Variants in PTBP3 observed in about 807,000 individuals in gnomAD.
The protein encoded by PTBP3 is polypyrimidine tract binding protein 3.
A neutral mutation model predicts 58.7 loss-of-function variants in PTBP3; 20 were observed. That is an observed-to-expected ratio of 0.34 (90% CI 0.24 to 0.50). The LOEUF (loss-of-function observed/expected upper bound fraction) is 0.50, where lower values mean the gene tolerates loss of function less well. Ranked by LOEUF, PTBP3 falls within the 20% of genes least tolerant of loss-of-function variation. The probability of loss-of-function intolerance (pLI) is 0.98; values close to 1 mark genes in which losing one functional copy is unlikely to be tolerated. For synonymous variants in PTBP3, 185 were observed against 219.8 expected (o/e 0.84, Z 1.40); for missense variants, 509 against 637.2 (o/e 0.80, Z 2.17).
the PTBP3 span, among the ~76,000 whole-genome samples, chr9:112,376,164 T>C: frequency 6.8e-6 from 1 of 146,506 alleles, no homozygotes; most frequent in Admixed American, 6.8e-5. Context: ...AGGATATATA[T>C]ATATATATAT....
At chr9:112,258,250 T>C (rs1024198970) in intron 5 of PTBP3, among the ~76,000 whole-genome samples, 6 of 152,218 alleles carry the variant, frequency 3.9e-5, no homozygotes, top group Admixed American at 3.3e-4. Context: ...AACATCGTTA[T>C]GAGCTACTTC....
the PTBP3 span, among the ~76,000 whole-genome samples, chr9:112,346,416 C>T: frequency 6.6e-6 from 1 of 151,994 alleles, no homozygotes; most frequent in African/African-American, 2.4e-5. Flanking sequence ...ATCCACCTGC[C>T]TCAGCCTCCC....
the PTBP3 span, among the ~76,000 whole-genome samples, chr9:112,341,388 T>C: frequency 6.6e-6 from 1 of 152,216 alleles, no homozygotes; most frequent in East Asian, 1.9e-4. Context: ...TGCCTCGGCC[T>C]CTTGAAGTGC....
chr9:112,268,424 T>C (rs1017170791), intron 3 of PTBP3, among the ~76,000 whole-genome samples: 2 of 152,124 alleles, frequency 1.3e-5, no homozygotes, highest in African/African-American at 4.8e-5. Context: ...CCAGGCGTGG[T>C]GGTTCACAAC....
intron 3 of PTBP3, among the ~76,000 whole-genome samples, chr9:112,273,780 C>T (rs1450895744): frequency 6.6e-6 from 1 of 152,150 alleles, no homozygotes; most frequent in African/African-American, 2.4e-5. Context: ...CCTCCAAATG[C>T]CCTGAGAAAA....
At chr9:112,303,897 T>C (rs1269993337) in intron 1 of PTBP3, among the ~76,000 whole-genome samples, 2 of 149,974 alleles carry the variant, frequency 1.3e-5, no homozygotes, top group Non-Finnish European at 3.0e-5. Flanking sequence ...CTGGGCACAG[T>C]GGCTCACACC....
At chr9:112,226,303 C>T (rs923844194) in intron 12 of PTBP3, among the ~76,000 whole-genome samples, 12 of 151,890 alleles carry the variant, frequency 7.9e-5, no homozygotes, top group African/African-American at 2.4e-4. Flanking sequence ...GCAGGGAGGC[C>T]GGATATTCAG....
intron 5 of PTBP3, among the ~76,000 whole-genome samples, chr9:112,255,554 G>C (rs2132097059): frequency 6.6e-6 from 1 of 152,192 alleles, no homozygotes; most frequent in South Asian, 2.1e-4. Flanking sequence ...AGCCCAGGTG[G>C]CGTTCTAAAT....
intron 1 of PTBP3, among the ~76,000 whole-genome samples, chr9:112,330,215 G>A (rs1288645866): frequency 6.6e-6 from 1 of 152,132 alleles, no homozygotes; most frequent in East Asian, 1.9e-4. Flanking sequence ...GATAATTTAA[G>A]TGAAACTTTG....
chr9:112,318,898 C>T (rs956642427), intron 1 of PTBP3, among the ~76,000 whole-genome samples: 29 of 151,966 alleles, frequency 1.9e-4, no homozygotes, highest in African/African-American at 6.0e-4. Flanking sequence ...GAGGCCAAGG[C>T]GGGCAGATCA....
chr9:112,351,203 G>C, the PTBP3 span, among the ~76,000 whole-genome samples: 2 of 152,142 alleles, frequency 1.3e-5, no homozygotes, highest in Admixed American at 6.5e-5. Context: ...ATTACATTAA[G>C]CTATCATGTC....
chr9:112,220,116 A>G lies in PTBP3; in HGVS notation c.*3735T>C, dbSNP rs1440356489. ...GCTGTCTCTTTTTGGTTTTAAAAAT[A>G]GCAGTACACATTAGGTTTTCTAAGG... is the stretch of plus-strand genomic sequence containing the variant. On this transcript the variant is annotated 3_prime_UTR_variant, in exon 14 of 14. Transcript: ENST00000374257. The G allele has an allele frequency of 1.6e-6, 2 of 1,264,264 alleles. No homozygotes were observed. The highest frequency in any genetic ancestry group is 1.1e-4 in the East Asian group (2 of 17,918). 78.3% of individuals were successfully genotyped at this position (1,264,264 alleles called of 1,614,324 possible).
At chr9:112,297,228 G>A (rs1193591658) in intron 2 of PTBP3, among the ~76,000 whole-genome samples, 4 of 152,018 alleles carry the variant, frequency 2.6e-5, no homozygotes, top group Non-Finnish European at 5.9e-5. Flanking sequence ...TTTTTGAGAT[G>A]GAGTCTCGCT....
chr9:112,303,426 C>A lies in PTBP3; in HGVS notation c.-51-5510G>T, dbSNP rs74793796. Among the ~76,000 whole-genome samples the A allele has an allele frequency of 2.8e-4, 42 of 152,250 alleles. No homozygotes were observed. In the East Asian group the frequency reaches 7.9e-3, roughly 29 times the overall value. On this transcript the variant is annotated intron_variant, in intron 1 of 13. Transcript: ENST00000374257. Reference sequence around the variant, plus strand: ...AACATAATTTTGTCAAATATGTACACAAAGTTAGTTCTCAGATACCTTGAG... The same window carrying A: ...AACATAATTTTGTCAAATATGTACAAAAAGTTAGTTCTCAGATACCTTGAG...
the PTBP3 span, among the ~76,000 whole-genome samples, chr9:112,354,285 CT>C: frequency 6.6e-6 from 1 of 152,200 alleles, no homozygotes; most frequent in African/African-American, 2.4e-5. Flanking sequence ...TACCAAACAA[CT>C]GGGTGAAGCT....
chr9:112,291,018 T>C (rs1235403615), intron 2 of PTBP3, among the ~76,000 whole-genome samples: 1 of 152,060 alleles, frequency 6.6e-6, no homozygotes, highest in Non-Finnish European at 1.5e-5. Flanking sequence ...GGTCAGGAGT[T>C]TGAGACCAGC....
At chr9:112,277,379 T>TGGTG in intron 2 of PTBP3, among the ~76,000 whole-genome samples, 1 of 152,182 alleles carries the variant, frequency 6.6e-6, no homozygotes, top group East Asian at 1.9e-4. Flanking sequence ...TCCTCTCCCT[T>TGGTG]ATCAATCACC....
chr9:112,325,573 TCA>T (rs1354696188), intron 1 of PTBP3, among the ~76,000 whole-genome samples: 2 of 144,966 alleles, frequency 1.4e-5, no homozygotes, highest in East Asian at 4.0e-4. Flanking sequence ...TGCATTATAT[TCA>T]CATAGTGGAA....
chr9:112,262,498 G>A lies in PTBP3; in HGVS notation c.453C>T (p.Ser151=), dbSNP rs1324974606. 6.2e-7 allele frequency: 1 copy of A among 1,611,146 alleles called. No individual in the cohort carries two copies. Among genetic ancestry groups the A allele is most frequent in the South Asian group, 1.1e-5 (1 of 90,376 alleles). The change falls in exon 5 of 14, where the codon AGC becomes AGT. Residue 151 remains serine (S), a synonymous_variant. Coordinates refer to ENST00000374257, the MANE Select transcript of PTBP3 (RefSeq NM_001163788.4). Reference sequence around the variant, plus strand: ...TTTCAATAATTATTCGAAGCACAGGGCTCTGCCCAGGTAGGACTGTGCCTT... The same window carrying A: ...TTTCAATAATTATTCGAAGCACAGGACTCTGCCCAGGTAGGACTGTGCCTT... ...SNEGTVLPGQ[S]PVLRIIIENL...
Sources: gnomAD v4.1 joint callset for allele counts (sites outside exome capture counted in the v4.1 genomes callset) on GRCh38, gnomAD v4.1.1 for gene constraint, MANE v1.5 for transcripts, NCBI Gene and HGNC (gene_info 2026-07-23, HGNC 2026-07-21) for gene names.